The following FCN2 variants were observed in gnomAD, a reference collection of about 807,000 sequenced individuals.
FCN2 encodes ficolin 2, also known as ficolin-2.
In FCN2, 31 loss-of-function variants were observed where a neutral mutation model predicts 32.5. The observed-to-expected ratio is 0.96, with a 90% confidence interval of 0.72 to 1.29. The LOEUF (loss-of-function observed/expected upper bound fraction) is 1.29. Among genes scored for constraint, FCN2 ranks in the 50% most tolerant of loss-of-function variants. The probability of loss-of-function intolerance (pLI) is 0.00; values close to 1 mark genes in which losing one functional copy is unlikely to be tolerated. For synonymous variants in FCN2, 181 were observed against 164.5 expected (o/e 1.10, Z -0.77); for missense variants, 412 against 406.5 (o/e 1.01, Z -0.12).
the FCN2 span, among the ~76,000 whole-genome samples, chr9:134,870,337 C>T: frequency 1.3e-5 from 2 of 152,184 alleles, no homozygotes; most frequent in Non-Finnish European, 1.5e-5. This position sits in a 1 kb window ranked among gnomAD's most constrained non-coding sequence, Gnocchi z 4.3. Flanking sequence ...GGTCCGTGGG[C>T]TCACTGGGAG....
chr9:134,881,153 A>C (rs1483754923), intron 1 of FCN2, among the ~76,000 whole-genome samples: 1 of 152,168 alleles, frequency 6.6e-6, no homozygotes, highest in African/African-American at 2.4e-5. Flanking sequence ...ATGGAAACCG[A>C]GGCAGGTTTC....
the FCN2 span, among the ~76,000 whole-genome samples, chr9:134,874,058 G>C: frequency 6.6e-6 from 1 of 151,868 alleles, no homozygotes; most frequent in Non-Finnish European, 1.5e-5. Context: ...GTAGTTACAG[G>C]TGTGTGCCAC....
intron 1 of FCN2, among the ~76,000 whole-genome samples, chr9:134,882,136 A>T (rs1388622820): frequency 1.3e-5 from 2 of 152,224 alleles, no homozygotes; most frequent in African/African-American, 4.8e-5. Context: ...TGCTGTCTTA[A>T]ATGGTAGGAG....
At chr9:134,879,602 C>G (rs1436665421), upstream of FCN2, among the ~76,000 whole-genome samples, 1 of 152,144 alleles carries the variant, frequency 6.6e-6, no homozygotes, top group Admixed American at 6.5e-5. Context: ...CATCCCTGGA[C>G]CTCATCTGCA....
At chr9:134,879,842 T>TG (rs1216150918), upstream of FCN2, among the ~76,000 whole-genome samples, 1 of 152,138 alleles carries the variant, frequency 6.6e-6, no homozygotes, top group African/African-American at 2.4e-5. Context: ...TGGCAGCAGG[T>TG]GGCAGGGTGC....
chr9:134,877,809 G>A (rs1208740508), upstream of FCN2, among the ~76,000 whole-genome samples: 1 of 152,220 alleles, frequency 6.6e-6, no homozygotes, highest in East Asian at 1.9e-4. Context: ...GGTAGCTTGT[G>A]TGGGAGGGAA....
intron 2 of FCN2, among the ~76,000 whole-genome samples, chr9:134,882,960 G>A (rs1170647913): frequency 6.6e-6 from 1 of 152,206 alleles, no homozygotes; most frequent in Non-Finnish European, 1.5e-5. Flanking sequence ...CGGAGGCCAT[G>A]ACACTCTTCT....
At chr9:134,869,798 C>A in the FCN2 span, among the ~76,000 whole-genome samples, 7 of 152,228 alleles carry the variant, frequency 4.6e-5, no homozygotes, top group Admixed American at 3.9e-4. Context: ...GGAGCCTTGG[C>A]TCCTGCCCTC....
intron 5 of FCN2, 110 bp downstream of exon 5, chr9:134,885,476 G>C (rs145149005): frequency 1.3e-6 from 2 of 1,511,532 alleles, no homozygotes; most frequent in African/African-American, 2.7e-5. Context: ...GTCGGGGACA[G>C]TCAGAGATGA....
At chr9:134,882,718 T>C (rs1271416738) in intron 2 of FCN2, 79 bp downstream of exon 2, 2 of 1,005,272 alleles carry the variant, frequency 2.0e-6, no homozygotes, top group South Asian at 1.4e-5. Context: ...ACCCCCACCA[T>C]GGTTCCTAGA....
the FCN2 span, among the ~76,000 whole-genome samples, chr9:134,869,238 G>A: frequency 2.0e-5 from 3 of 152,200 alleles, no homozygotes; most frequent in African/African-American, 4.8e-5. Flanking sequence ...CTGTGTGCAC[G>A]TGAATCCCTC....
chr9:134,870,025 C>T, the FCN2 span, among the ~76,000 whole-genome samples: 1 of 152,186 alleles, frequency 6.6e-6, no homozygotes, highest in African/African-American at 2.4e-5. This position sits in a 1 kb window ranked among gnomAD's most constrained non-coding sequence, Gnocchi z 4.3. Context: ...GAATCGGATC[C>T]GACTCTGGTG....
upstream of FCN2, among the ~76,000 whole-genome samples, chr9:134,876,297 A>G (rs1830603226): frequency 6.6e-6 from 1 of 152,216 alleles, no homozygotes; most frequent in Admixed American, 6.5e-5. Context: ...AATGAATGAT[A>G]AAGTAGTTGT....
the FCN2 span, chr9:134,868,485 G>T: frequency 6.1e-6 from 1 of 163,490 alleles, no homozygotes. The surrounding 1 kb of genome is among the most constrained non-coding windows in gnomAD (Gnocchi z 4.3). Context: ...GCCCGGCGCT[G>T]AGGTCAGAGG....
At chr9:134,879,425 A>C (rs1049753636), upstream of FCN2, among the ~76,000 whole-genome samples, 1 of 152,242 alleles carries the variant, frequency 6.6e-6, no homozygotes, top group Non-Finnish European at 1.5e-5. Context: ...CATGCAGTAA[A>C]GGAACCTGCC....
intron 1 of FCN2, among the ~76,000 whole-genome samples, chr9:134,881,989 A>G (rs1222716195): frequency 6.6e-6 from 1 of 152,200 alleles, no homozygotes; most frequent in East Asian, 1.9e-4. Context: ...AACAAGGTGG[A>G]CCCACAGGAG....
the FCN2 span, among the ~76,000 whole-genome samples, chr9:134,864,949 C>A: frequency 6.6e-6 from 1 of 152,212 alleles, no homozygotes; most frequent in Non-Finnish European, 1.5e-5. Flanking sequence ...TCCCCGGGGC[C>A]GAATCCTCCT....
chr9:134,878,206 C>T (rs1002344140), upstream of FCN2, among the ~76,000 whole-genome samples: 2 of 152,170 alleles, frequency 1.3e-5, no homozygotes, highest in Non-Finnish European at 2.9e-5. Context: ...ATAAACTCCC[C>T]TTTATATATG....
upstream of FCN2, among the ~76,000 whole-genome samples, chr9:134,878,893 T>G (rs1830627347): frequency 6.6e-6 from 1 of 152,222 alleles, no homozygotes; most frequent in Non-Finnish European, 1.5e-5. Context: ...ATTTTAAAAG[T>G]GTGACTTATA....
Sources: allele counts gnomAD v4.1 joint callset (sites outside exome capture counted in the v4.1 genomes callset), GRCh38; gene constraint gnomAD v4.1.1; non-coding constraint Gnocchi (gnomAD v3.1); transcripts MANE v1.5; gene names NCBI Gene and HGNC (gene_info 2026-07-23, HGNC 2026-07-21).